RASGRP1: variants seen among roughly 807,000 people sequenced by gnomAD.
The protein encoded by RASGRP1 is RAS guanyl-releasing protein 1.
RASGRP1 carries 37 observed loss-of-function variants against 95.1 expected under a neutral mutation model. The ratio of observed to expected loss-of-function variants is 0.39; its 90% confidence interval spans 0.30 to 0.51. The LOEUF (loss-of-function observed/expected upper bound fraction) is 0.51. Among genes scored for constraint, RASGRP1 ranks in the 20% least tolerant of loss-of-function variants. The pLI, the probability that RASGRP1 is intolerant of heterozygous loss-of-function variation, is 0.80. For missense variants in RASGRP1, 711 were observed against 965.4 expected (o/e 0.74, Z 3.49); for synonymous variants, 325 against 353.4 (o/e 0.92, Z 0.90).
chr15:38,564,540 CT>C, intron 1 of RASGRP1, 53 bp downstream of exon 1: 4 of 1,320,806 alleles, frequency 3.0e-6, no homozygotes, highest in South Asian at 2.3e-5. Context: ...GCAGGGGCCT[CT>C]TTCCCAAGAA....
chr15:38,500,346 T>TG (rs1308431096), intron 13 of RASGRP1, among the ~76,000 whole-genome samples: 2 of 151,524 alleles, frequency 1.3e-5, no homozygotes, highest in African/African-American at 4.9e-5. Flanking sequence ...CAGGTTTTTT[T>TG]TGTTTTGTTT....
chr15:38,509,055 T>C (rs1038504429), intron 8 of RASGRP1, among the ~76,000 whole-genome samples: 18 of 151,718 alleles, frequency 1.2e-4, no homozygotes, highest in African/African-American at 4.3e-4. Context: ...GCCATAACTT[T>C]TTGCAGTATG....
At chr15:38,496,731 T>C (rs1412515489) in intron 15 of RASGRP1, among the ~76,000 whole-genome samples, 2 of 152,256 alleles carry the variant, frequency 1.3e-5, no homozygotes, top group Middle Eastern at 3.4e-3. Context: ...TGTGTTTAGA[T>C]AGATAGTAAG....
chr15:38,563,603 G>C (rs1299985210), intron 1 of RASGRP1, among the ~76,000 whole-genome samples: 1 of 152,160 alleles, frequency 6.6e-6, no homozygotes, highest in Non-Finnish European at 1.5e-5. Context: ...TTCTAGTATG[G>C]ATTCCTTCCA....
intron 2 of RASGRP1, among the ~76,000 whole-genome samples, chr15:38,558,068 C>G (rs892828728): frequency 1.3e-5 from 2 of 152,032 alleles, no homozygotes; most frequent in South Asian, 2.1e-4. Flanking sequence ...ACATGTTTCT[C>G]GTCCCTCTTT....
chr15:38,550,138 T>C (rs572422113), intron 2 of RASGRP1, among the ~76,000 whole-genome samples: 3 of 150,004 alleles, frequency 2.0e-5, no homozygotes, highest in Admixed American at 6.7e-5. Flanking sequence ...CACACCCAGC[T>C]ACTCGGGTGG....
chr15:38,507,625 G>T, intron 9 of RASGRP1, 101 bp downstream of exon 9: 1 of 1,308,448 alleles, frequency 7.6e-7, no homozygotes, highest in South Asian at 1.5e-5. Context: ...CTGCTTCATA[G>T]AGCCTTTATG....
rs1259715929 is a variant in RASGRP1, at chr15:38,494,536, G to A, written c.2105C>T (p.Thr702Ile). Residue 702 changes from threonine (T) to isoleucine (I), a missense_variant, in exon 16 of 17, where the codon ACT becomes ATT. Thr to Ile is a moderately conservative substitution (Grantham distance 89, BLOSUM62 -1). Coordinates refer to ENST00000310803, the MANE Select transcript of RASGRP1 (RefSeq NM_005739.4). Reference sequence around the variant, plus strand: ...GGTGGGACTGGGAAGCACATATAGAGTATCCTGGGCTGTCTTCCTTGGGGA... The same window carrying A: ...GGTGGGACTGGGAAGCACATATAGAATATCCTGGGCTGTCTTCCTTGGGGA... The part of the protein sequence containing the change: ...LSSPRKTAQD[T>I]LYVLPSPTSP... 2 of 1,591,946 alleles carry A rather than the reference G, an allele frequency of 1.3e-6. No homozygotes were observed. Among genetic ancestry groups the A allele is most frequent in the Non-Finnish European group, 8.6e-7 (1 of 1,168,686 alleles).
At chr15:38,556,760 G>A (rs1272650784) in intron 2 of RASGRP1, among the ~76,000 whole-genome samples, 1 of 152,164 alleles carries the variant, frequency 6.6e-6, no homozygotes, top group Admixed American at 6.5e-5. Context: ...CCAGTGCATT[G>A]GACAGCACAG....
intron 16 of RASGRP1, among the ~76,000 whole-genome samples, chr15:38,491,192 A>G (rs551093333): frequency 6.6e-6 from 1 of 152,342 alleles, no homozygotes; most frequent in East Asian, 1.9e-4. Context: ...TAGTGGTATC[A>G]TTATAGAGCC....
chr15:38,564,471 C>A, intron 1 of RASGRP1, 123 bp downstream of exon 1: 1 of 960,744 alleles, frequency 1.0e-6, no homozygotes, highest in South Asian at 4.8e-5. Context: ...TGTCCCGGGA[C>A]TCCGGCCGAC....
chr15:38,502,483 C>A, intron 11 of RASGRP1, 62 bp from the exon 12 acceptor site: 1 of 1,044,736 alleles, frequency 9.6e-7, no homozygotes, highest in Non-Finnish European at 1.4e-6. Flanking sequence ...TCCCTTTAGT[C>A]AAATGACAAA....
At chr15:38,554,173 G>A (rs1893453435) in intron 2 of RASGRP1, among the ~76,000 whole-genome samples, 2 of 152,238 alleles carry the variant, frequency 1.3e-5, no homozygotes, top group South Asian at 2.1e-4. Context: ...AACCTCGGGG[G>A]AAGACTGACC....
chr15:38,505,530 A>G (rs1298875236), intron 10 of RASGRP1, among the ~76,000 whole-genome samples: 1 of 152,076 alleles, frequency 6.6e-6, no homozygotes, highest in African/African-American at 2.4e-5. Flanking sequence ...TTCCTTCTCT[A>G]CTTTGTAAAC....
intron 7 of RASGRP1, among the ~76,000 whole-genome samples, chr15:38,512,360 C>A (rs1214957826): frequency 6.6e-6 from 1 of 152,180 alleles, no homozygotes; most frequent in Non-Finnish European, 1.5e-5. Context: ...TTATAAAATG[C>A]CCCTCAAACA....
At position 38,516,664 on chromosome 15, in the gene RASGRP1, C is replaced by T. The variant is rs192060476; in HGVS notation, c.522-314G>A. ...AGTTTCCTTGCCTTTGGTCCTGGCT[C>T]CTTTGTGTATCATCTGGTATGTCTG... On this transcript the variant is annotated intron_variant, in intron 5 of 16. Coordinates refer to ENST00000310803, the MANE Select transcript of RASGRP1 (RefSeq NM_005739.4). Among the ~76,000 whole-genome samples, 410 of 151,774 alleles carry T rather than the reference C, an allele frequency of 2.7e-3. 1 individual carries two copies. Among genetic ancestry groups the T allele is most frequent in the Admixed American group, 5.5e-3 (83 of 15,208 alleles).
In RASGRP1 at chr15:38,490,296, G is replaced by A. The variant is rs891599593; in HGVS notation, c.*258C>T. On this transcript the variant is annotated 3_prime_UTR_variant, in exon 17 of 17. Coordinates refer to ENST00000310803, the MANE Select transcript of RASGRP1 (RefSeq NM_005739.4). ...GGAAATGATAGTCATGTTTTAGATC[G>A]CATACTTTTGATGAACATCAGTGGT... 1.7e-5 allele frequency: 5 copies of A among 293,976 alleles called. No homozygotes were observed. The highest frequency in any genetic ancestry group is 2.2e-5 in the African/African-American group (1 of 45,848). 18.2% of individuals were successfully genotyped at this position (293,976 alleles called of 1,614,324 possible). A position where few individuals can be genotyped will look rare whatever the true frequency, so the allele number is the denominator to read the frequency against.
chr15:38,515,553 ATC>A (rs1891724727), intron 6 of RASGRP1, among the ~76,000 whole-genome samples: 2 of 152,174 alleles, frequency 1.3e-5, no homozygotes, highest in Admixed American at 1.3e-4. Flanking sequence ...ATCAACTGAA[ATC>A]TCTCTCCCTT....
At chr15:38,531,376 G>A (rs751753544) in intron 2 of RASGRP1, among the ~76,000 whole-genome samples, 4 of 152,146 alleles carry the variant, frequency 2.6e-5, no homozygotes, top group Non-Finnish European at 4.4e-5. Flanking sequence ...TGAGCTTTAC[G>A]AACTCTTCCA....
Sources: allele counts gnomAD v4.1 joint callset (sites outside exome capture counted in the v4.1 genomes callset), GRCh38; gene constraint gnomAD v4.1.1; transcripts MANE v1.5; gene names NCBI Gene and HGNC (gene_info 2026-07-23, HGNC 2026-07-21).